TCL1A: variants seen among roughly 807,000 people sequenced by gnomAD.
TCL1A encodes the protein T-cell leukemia/lymphoma protein 1A.
A neutral mutation model predicts 16.9 loss-of-function variants in TCL1A; 9 were observed. The observed-to-expected ratio is 0.53, with a 90% confidence interval of 0.32 to 0.93. TCL1A has a LOEUF of 0.93. Among genes scored for constraint, TCL1A ranks in the 40% least tolerant of loss-of-function variants. The probability of loss-of-function intolerance (pLI) is 0.04; values close to 1 mark genes in which losing one functional copy is unlikely to be tolerated. For synonymous variants in TCL1A, 69 were observed against 63.2 expected (o/e 1.09, Z -0.44); for missense variants, 139 against 153.0 (o/e 0.91, Z 0.48).
chr14:95,711,915 G>A, intron 2 of TCL1A, 113 bp from the exon 3 acceptor site: 3 of 1,379,702 alleles, frequency 2.2e-6, no homozygotes, highest in Non-Finnish European at 3.0e-6. Context: ...ACCCAGGTGT[G>A]AGGATTTCAG....
Position 95,713,963 on chromosome 14 carries a change from A to G in TCL1A, c.104T>C (p.Leu35Pro), listed in dbSNP as rs762460896. 2 of 1,613,976 alleles carry G rather than the reference A, an allele frequency of 1.2e-6. No homozygotes were observed. The highest frequency in any genetic ancestry group is 1.7e-6 in the Non-Finnish European group (2 of 1,180,036). ...VYLDEKQHAW[L>P]PLTIEIKDRL... ...TGGCTGTACCTCGATGGTTAAGGGC[A>G]GCCAGGCGTGCTGCTTCTCGTCCAA... Residue 35 changes from leucine (L) to proline (P), a missense_variant, in exon 1 of 4, where the codon CTG (leucine) becomes CCG (proline). Around this residue, in one of 2 missense-constraint regions of TCL1A, gnomAD observed 94 missense variants for 80.2 expected, o/e 1.17. Transcript: ENST00000402399.
At chr14:95,713,357 A>G (rs533503156) in intron 1 of TCL1A, among the ~76,000 whole-genome samples, 2 of 152,304 alleles carry the variant, frequency 1.3e-5, no homozygotes, top group East Asian at 1.9e-4. Context: ...AGACTTATCT[A>G]TTTCTTTAAC....
intron 3 of TCL1A, chr14:95,711,327 G>A (rs550313177): frequency 1.3e-5 from 2 of 153,604 alleles, no homozygotes; most frequent in Admixed American, 6.6e-5. Flanking sequence ...AAATTAGCCA[G>A]GTGTGGTGGC....
chr14:95,713,270 T>C (rs1372418202), intron 1 of TCL1A, among the ~76,000 whole-genome samples: 1 of 152,236 alleles, frequency 6.6e-6, no homozygotes, highest in African/African-American at 2.4e-5. Context: ...ATTTTTATGC[T>C]TTCTTCAGTG....
At chr14:95,711,255 C>T (rs190456702) in intron 3 of TCL1A, among the ~76,000 whole-genome samples, 4,189 of 143,298 alleles carry the variant, frequency 0.029, 207 homozygotes, top group African/African-American at 0.1. Flanking sequence ...GTCAGGAGAT[C>T]GAGACCATCC....
chr14:95,713,665 C>T (rs1886454936), intron 1 of TCL1A, among the ~76,000 whole-genome samples: 1 of 152,144 alleles, frequency 6.6e-6, no homozygotes, highest in African/African-American at 2.4e-5. Flanking sequence ...GGATTAGGAC[C>T]CCGAAGCCCA....
Position 95,714,007 on chromosome 14 carries a change from G to A in TCL1A, c.60C>T (p.Ala20=). The A allele has an allele frequency of 6.2e-7, 1 of 1,614,126 alleles. No individual in the cohort carries two copies. Among genetic ancestry groups the A allele is most frequent in the Non-Finnish European group, 8.5e-7 (1 of 1,180,018 alleles). The change falls in exon 1 of 4, where the codon GCC becomes GCT. Residue 20 remains alanine (A), a synonymous_variant. Coordinates refer to ENST00000402399, the MANE Select transcript of TCL1A (RefSeq NM_021966.3). The part of the protein sequence containing the change: ...AVTDHPDRLW[A]WEKFVYLDEK... ...CGTCCAAATACACGAACTTCTCCCA[G>A]GCCCACAGGCGGTCCGGGTGGTCGG...
At chr14:95,711,578 C>T (rs980196369) in intron 3 of TCL1A, 171 bp downstream of exon 3, 9 of 657,508 alleles carry the variant, frequency 1.4e-5, no homozygotes, top group South Asian at 2.1e-5. Context: ...CCTTGGCTCC[C>T]GAAGTGGTAA....
rs374784310 is a variant in TCL1A, at chr14:95,712,413, G to A, written c.121-17C>T. ...ATCCTTTATCTGAGGAGAAGAAAAG[G>A]ACAGGGCATACTTTCAGGTTCCGCT... On this transcript the variant is annotated splice_polypyrimidine_tract_variant and intron_variant, in intron 1 of 3. Coordinates refer to ENST00000402399, the MANE Select transcript of TCL1A (RefSeq NM_021966.3). 8 of 1,585,366 alleles carry A rather than the reference G, an allele frequency of 5.0e-6. No individual in the cohort carries two copies. Among genetic ancestry groups the A allele is most frequent in the Non-Finnish European group, 6.0e-6 (7 of 1,162,268 alleles).
chr14:95,713,922 C>T (rs756246653), intron 1 of TCL1A, 25 bp downstream of exon 1: 9 of 1,611,680 alleles, frequency 5.6e-6, no homozygotes, highest in African/African-American at 1.3e-5. Context: ...TGCTGCCTCG[C>T]CATCCGCTCC....
intron 1 of TCL1A, among the ~76,000 whole-genome samples, chr14:95,713,715 C>T (rs1886460915): frequency 1.3e-5 from 2 of 152,320 alleles, no homozygotes; most frequent in South Asian, 2.1e-4. Context: ...TCACACTCCA[C>T]AGGCACTGGG....
intron 1 of TCL1A, among the ~76,000 whole-genome samples, chr14:95,713,638 G>A (rs952269624): frequency 6.6e-6 from 1 of 152,302 alleles, no homozygotes; most frequent in Non-Finnish European, 1.5e-5. Flanking sequence ...GAGTCACTTA[G>A]AGATACCCAT....
At chr14:95,713,107 T>A (rs1040617344) in intron 1 of TCL1A, among the ~76,000 whole-genome samples, 1 of 152,224 alleles carries the variant, frequency 6.6e-6, no homozygotes, top group African/African-American at 2.4e-5. Context: ...TTGTGGTGGT[T>A]AAGAGCCTAG....
At chr14:95,713,586 T>TG (rs2139723223) in intron 1 of TCL1A, among the ~76,000 whole-genome samples, 1 of 152,308 alleles carries the variant, frequency 6.6e-6, no homozygotes, top group African/African-American at 2.4e-5. Flanking sequence ...TACAGATTTC[T>TG]GGGACCCACC....
In TCL1A at chr14:95,712,277, A is replaced by T; in HGVS notation, c.240T>A (p.Pro80=). 6.2e-7 allele frequency: 1 copy of T among 1,614,164 alleles called. No individual in the cohort carries two copies. The highest frequency in any genetic ancestry group is 8.5e-7 in the Non-Finnish European group (1 of 1,180,016). Residue 80 remains proline (P), a synonymous_variant, in exon 2 of 4, where the codon CCT becomes CCA. Transcript: ENST00000402399. ...SLLPIMWQLY[P]DGRYRSSDSS... ...AGTCTGAGGATCGGTATCGTCCATC[A>T]GGGTAGAGCTGCCACATGATAGGCA...
At chr14:95,712,459 C>T in intron 1 of TCL1A, 63 bp from the exon 2 acceptor site, 14 of 1,540,068 alleles carry the variant, frequency 9.1e-6, no homozygotes, top group Non-Finnish European at 1.2e-5. Context: ...TCTCCAGGCG[C>T]AGAAAACCGG....
chr14:95,712,662 C>A, intron 1 of TCL1A: 2 of 1,411,422 alleles, frequency 1.4e-6, no homozygotes, highest in South Asian at 1.2e-5. Flanking sequence ...TTTTTTCTGG[C>A]GGGTTGCAGC....
In TCL1A at chr14:95,714,045, C is replaced by T. The variant is rs748896184; in HGVS notation, c.22G>A (p.Gly8Arg). 2 of 1,614,010 alleles carry T rather than the reference C, an allele frequency of 1.2e-6. No homozygotes were observed. Among genetic ancestry groups the T allele is most frequent in the East Asian group, 2.2e-5 (1 of 44,880 alleles). ...TCCGGGTGGTCGGTGACTGCCTCCC[C>T]GAGTGTCGGGCACTCGGCCATGGCG... MAECPTL[G>R]EAVTDHPDRL... Residue 8 changes from glycine (G) to arginine (R), a missense_variant, in exon 1 of 4, where the codon GGG becomes AGG. Physicochemically the swap from Gly to Arg is moderately radical, Grantham distance 125 (BLOSUM62 -2). Coordinates refer to ENST00000402399, the MANE Select transcript of TCL1A (RefSeq NM_021966.3).
chr14:95,711,296 A>G (rs1595065363), intron 3 of TCL1A, among the ~76,000 whole-genome samples: 4 of 107,754 alleles, frequency 3.7e-5, no homozygotes, highest in African/African-American at 1.2e-4. Flanking sequence ...CGTCTCTACT[A>G]AAAAAAAAAA....
Sources: allele counts gnomAD v4.1 joint callset (sites outside exome capture counted in the v4.1 genomes callset), GRCh38; gene constraint gnomAD v4.1.1; regional missense constraint gnomAD v4.1.1; transcripts MANE v1.5; gene names NCBI Gene and HGNC (gene_info 2026-07-23, HGNC 2026-07-21).